Variants in FAM193A observed in about 807,000 individuals in gnomAD.
FAM193A encodes the protein family with sequence similarity 193 member A.
FAM193A carries 22 observed loss-of-function variants against 126.5 expected under a neutral mutation model. The ratio of observed to expected loss-of-function variants is 0.17; its 90% CI spans 0.12 to 0.25. The LOEUF is 0.25. Ranked by LOEUF, FAM193A falls within the 10% of genes least tolerant of loss-of-function variation. The pLI is 1.00. For synonymous variants in FAM193A, 761 were observed against 646.8 expected (o/e 1.18, Z -2.68); for missense variants, 1,675 against 1,672.8 (o/e 1.00, Z -0.02).
At chr4:2,551,700 C>G (rs1737929895) in intron 1 of FAM193A, among the ~76,000 whole-genome samples, 2 of 151,630 alleles carry the variant, frequency 1.3e-5, no homozygotes, top group Admixed American at 1.3e-4. Context: ...GAGGTTTCAT[C>G]ATTTTTTAAA....
chr4:2,708,869 G>A (rs1718608000), intron 19 of FAM193A, among the ~76,000 whole-genome samples: 1 of 152,142 alleles, frequency 6.6e-6, no homozygotes, highest in East Asian at 1.9e-4. Context: ...TGTACAAATA[G>A]AGAAAGTTTT....
intron 2 of FAM193A, among the ~76,000 whole-genome samples, chr4:2,597,333 T>C (rs1273611048): frequency 6.6e-6 from 1 of 152,256 alleles, no homozygotes; most frequent in Admixed American, 6.5e-5. Flanking sequence ...ATGGTTTTCT[T>C]TGTGTGGTTT....
intron 12 of FAM193A, 39 bp from the exon 13 acceptor site, chr4:2,672,082 G>A (rs960016867): frequency 6.2e-7 from 1 of 1,601,086 alleles, no homozygotes; most frequent in Non-Finnish European, 8.6e-7. Flanking sequence ...ACCATTTATT[G>A]TTTCACTAAA....
chr4:2,691,196 C>T (rs1317727132), intron 15 of FAM193A, among the ~76,000 whole-genome samples: 2 of 152,212 alleles, frequency 1.3e-5, no homozygotes, highest in Non-Finnish European at 2.9e-5. Flanking sequence ...GCTGCACTGT[C>T]TTGCTTTTGT....
At chr4:2,576,489 G>A (rs2108869276) in intron 1 of FAM193A, among the ~76,000 whole-genome samples, 1 of 152,296 alleles carries the variant, frequency 6.6e-6, no homozygotes, top group East Asian at 1.9e-4. Flanking sequence ...CTTGAGCCCA[G>A]GGGTTTAAGG....
At chr4:2,568,466 G>A (rs561457915) in intron 1 of FAM193A, among the ~76,000 whole-genome samples, 1 of 152,290 alleles carries the variant, frequency 6.6e-6, no homozygotes, top group Non-Finnish European at 1.5e-5. Context: ...GCTACAGTGA[G>A]CTGTGATTGT....
chr4:2,721,311 TCAAAAA>T (rs1720121740), intron 20 of FAM193A, among the ~76,000 whole-genome samples: 1 of 29,196 alleles, frequency 3.4e-5, no homozygotes, highest in Admixed American at 7.0e-4. Context: ...AGACTCCGTC[TCAAAAA>T]AAAAAAAAAA....
At chr4:2,699,626 C>G in intron 18 of FAM193A, 54 bp from the exon 19 acceptor site, 10 of 1,517,388 alleles carry the variant, frequency 6.6e-6, no homozygotes, top group Non-Finnish European at 8.9e-6. Flanking sequence ...TTCTGTATGA[C>G]TTAATTTTTA....
intron 1 of FAM193A, among the ~76,000 whole-genome samples, chr4:2,551,600 G>C (rs1342857033): frequency 6.6e-6 from 1 of 152,134 alleles, no homozygotes; most frequent in African/African-American, 2.4e-5. Context: ...TCCTTTTAAT[G>C]TCTGTGGGAG....
rs966249000 is a variant in FAM193A, at chr4:2,595,430, G to A, written c.256-654G>A. The stretch of plus-strand genomic sequence containing the variant: ...AGAGTGGGTGGTTATCTTTTGAGAG[G>A]TTTTAAGGTATAACAATCTTGCCTT... On this transcript the variant is annotated intron_variant, in intron 1 of 20. Coordinates refer to ENST00000637812, the MANE Select transcript of FAM193A (RefSeq NM_001366318.2). Among the ~76,000 whole-genome samples, 6 of 152,296 alleles carry A rather than the reference G, an allele frequency of 3.9e-5. No individual in the cohort carries two copies. In the East Asian group the frequency reaches 1.2e-3, roughly 29 times the overall value.
intron 1 of FAM193A, among the ~76,000 whole-genome samples, chr4:2,591,172 TGTAAA>T (rs1577048389): frequency 1.3e-5 from 2 of 152,180 alleles, no homozygotes; most frequent in East Asian, 1.9e-4. Flanking sequence ...GCAGTTGTCT[TGTAAA>T]GGAAAGGCGG....
chr4:2,667,922 G>C (rs1467348791), intron 12 of FAM193A, among the ~76,000 whole-genome samples: 2 of 151,780 alleles, frequency 1.3e-5, no homozygotes, highest in African/African-American at 2.4e-5. Context: ...TTTTTTCTTA[G>C]AGACAGGGTC....
chr4:2,673,594 C>T (rs913569776), intron 13 of FAM193A, among the ~76,000 whole-genome samples: 10 of 152,252 alleles, frequency 6.6e-5, no homozygotes, highest in African/African-American at 2.4e-4. Flanking sequence ...TTTTTAATAA[C>T]ATTTTTCAGG....
At chr4:2,624,580 G>T (rs1306671087) in intron 2 of FAM193A, among the ~76,000 whole-genome samples, 3 of 152,236 alleles carry the variant, frequency 2.0e-5, no homozygotes, top group African/African-American at 7.2e-5. Flanking sequence ...ACCATGTGCT[G>T]TCTCAGGCAA....
At chr4:2,582,505 G>C (rs1156965977) in intron 1 of FAM193A, among the ~76,000 whole-genome samples, 1 of 151,706 alleles carries the variant, frequency 6.6e-6, no homozygotes, top group Non-Finnish European at 1.5e-5. Flanking sequence ...CATAGTCTTA[G>C]TTGCGCATGA....
chr4:2,603,914 CT>C (rs1186440869), intron 2 of FAM193A, among the ~76,000 whole-genome samples: 2 of 152,150 alleles, frequency 1.3e-5, no homozygotes, highest in African/African-American at 4.8e-5. Context: ...ACGATCTTGG[CT>C]CACTGCAACC....
At chr4:2,612,104 G>A (rs553977077) in intron 2 of FAM193A, among the ~76,000 whole-genome samples, 13 of 151,792 alleles carry the variant, frequency 8.6e-5, no homozygotes, top group African/African-American at 2.9e-4. Context: ...CCAAAGTGCT[G>A]GGATTACAGG....
At chr4:2,562,487 T>TTGA (rs1160110219) in intron 1 of FAM193A, among the ~76,000 whole-genome samples, 1 of 152,104 alleles carries the variant, frequency 6.6e-6, no homozygotes, top group African/African-American at 2.4e-5. Context: ...TCTTCACCCC[T>TTGA]TTCAAGAGTC....
At chr4:2,601,746 C>T (rs1057099565) in intron 2 of FAM193A, among the ~76,000 whole-genome samples, 3 of 151,662 alleles carry the variant, frequency 2.0e-5, no homozygotes, top group Non-Finnish European at 4.4e-5. Context: ...AAATTATAAA[C>T]CAAAAAAAAG....
Sources: allele counts gnomAD v4.1 joint callset (sites outside exome capture counted in the v4.1 genomes callset), GRCh38; gene constraint gnomAD v4.1.1; transcripts MANE v1.5; gene names NCBI Gene and HGNC (gene_info 2026-07-23, HGNC 2026-07-21).